TRPM3: variants seen among roughly 807,000 people sequenced by gnomAD.
TRPM3 encodes long transient receptor potential channel 3.
In TRPM3, 77 loss-of-function variants were observed where a neutral mutation model predicts 181.2. That is an observed-to-expected ratio of 0.42 (90% CI 0.35 to 0.51). The LOEUF is 0.51. Among genes scored for constraint, TRPM3 ranks in the 20% least tolerant of loss-of-function variants. The probability of loss-of-function intolerance (pLI) is 0.01; values close to 1 mark genes in which losing one functional copy is unlikely to be tolerated. For synonymous variants in TRPM3, 745 were observed against 796.4 expected (o/e 0.94, Z 1.09); for missense variants, 1,759 against 2,196.7 (o/e 0.80, Z 3.98).
intron 1 of TRPM3, among the ~76,000 whole-genome samples, chr9:71,329,056 T>C (rs1459985364): frequency 2.0e-5 from 3 of 152,148 alleles, no homozygotes; most frequent in South Asian, 2.1e-4. Context: ...CTGTAAAAGA[T>C]AGGTGACAAT....
chr9:71,347,400 G>T (rs1427775822), intron 1 of TRPM3, among the ~76,000 whole-genome samples: 2 of 152,116 alleles, frequency 1.3e-5, no homozygotes, highest in Non-Finnish European at 2.9e-5. Flanking sequence ...AAAGCTCTTT[G>T]TCCATAGATT....
At chr9:71,035,108 A>T (rs2058035096) in intron 1 of TRPM3, among the ~76,000 whole-genome samples, 1 of 152,152 alleles carries the variant, frequency 6.6e-6, no homozygotes, top group Admixed American at 6.5e-5. Context: ...GTTGTAGTTA[A>T]TCAGAATTAT....
chr9:70,808,216 C>G (rs1311853181), intron 6 of TRPM3, among the ~76,000 whole-genome samples: 8 of 152,176 alleles, frequency 5.3e-5, no homozygotes, highest in Admixed American at 5.2e-4. Context: ...ACATTGCTGA[C>G]TTTGAGACCA....
chr9:70,954,300 G>A (rs1167062969), intron 1 of TRPM3, among the ~76,000 whole-genome samples: 1 of 152,104 alleles, frequency 6.6e-6, no homozygotes, highest in East Asian at 1.9e-4. Flanking sequence ...TGTCCCGCAG[G>A]CCTCTTTGGT....
At chr9:70,781,362 T>G (rs111427659) in intron 7 of TRPM3, among the ~76,000 whole-genome samples, 2 of 139,292 alleles carry the variant, frequency 1.4e-5, no homozygotes, top group African/African-American at 2.7e-5. Context: ...AAACATGATA[T>G]TTTTGACTCT....
intron 1 of TRPM3, among the ~76,000 whole-genome samples, chr9:71,230,790 C>T (rs2080999172): frequency 6.6e-6 from 1 of 152,148 alleles, no homozygotes; most frequent in Admixed American, 6.6e-5. Context: ...AACTGAAGAG[C>T]ACCTAAGGCT....
intron 1 of TRPM3, among the ~76,000 whole-genome samples, chr9:71,285,343 G>A (rs527690526): frequency 3.5e-4 from 54 of 152,310 alleles, no homozygotes; most frequent in South Asian, 2.1e-3. Flanking sequence ...GGTCGTAGCT[G>A]CACTATGTAA....
At chr9:71,203,074 G>T (rs1332335864) in intron 1 of TRPM3, among the ~76,000 whole-genome samples, 2 of 152,212 alleles carry the variant, frequency 1.3e-5, no homozygotes, top group Non-Finnish European at 2.9e-5. Context: ...CCTGCAGTTT[G>T]GCTCCTAGAA....
rs552014074 is a variant in TRPM3 at position 71,336,741 on chromosome 9, G to C, written c.183+109912C>G. On this transcript the variant is annotated intron_variant, in intron 1 of 24. Transcript: ENST00000357533. Reference sequence around the variant, plus strand: ...CAGTAACCAAAACAGCATGGTACTGGTACCAAAATAGAGATATAGACCAAT... The same window carrying C: ...CAGTAACCAAAACAGCATGGTACTGCTACCAAAATAGAGATATAGACCAAT... Among the ~76,000 whole-genome samples the C allele has an allele frequency of 3.6e-3, 554 of 152,216 alleles. 4 individuals are homozygous for C. Among genetic ancestry groups the C allele is most frequent in the African/African-American group, 0.01 (436 of 41,528 alleles).
At chr9:70,595,486 C>A (rs2058850306) in intron 21 of TRPM3, among the ~76,000 whole-genome samples, 1 of 152,154 alleles carries the variant, frequency 6.6e-6, no homozygotes, top group Non-Finnish European at 1.5e-5. Flanking sequence ...ATACACAGGA[C>A]AGCTTCCTAA....
At chr9:70,991,206 C>G (rs956250074) in intron 1 of TRPM3, among the ~76,000 whole-genome samples, 1 of 152,122 alleles carries the variant, frequency 6.6e-6, no homozygotes, top group African/African-American at 2.4e-5. Context: ...ATTCAGTGGT[C>G]CATGAACTTG....
At chr9:70,544,324 G>C (rs1285516372) in intron 25 of TRPM3, among the ~76,000 whole-genome samples, 1 of 152,118 alleles carries the variant, frequency 6.6e-6, no homozygotes, top group Non-Finnish European at 1.5e-5. Context: ...GCTTACAAAA[G>C]ATAAGGTTAG....
intron 1 of TRPM3, among the ~76,000 whole-genome samples, chr9:71,311,663 T>A (rs1437606392): frequency 6.6e-6 from 1 of 151,934 alleles, no homozygotes; most frequent in African/African-American, 2.4e-5. Flanking sequence ...ATGTAACTTC[T>A]AGAGGATAAC....
chr9:71,346,607 G>A (rs1307613089), intron 1 of TRPM3, among the ~76,000 whole-genome samples: 1 of 152,186 alleles, frequency 6.6e-6, no homozygotes, highest in Non-Finnish European at 1.5e-5. Flanking sequence ...TTGGGAAAGA[G>A]GTTCCATTGG....
intron 1 of TRPM3, among the ~76,000 whole-genome samples, chr9:70,974,426 C>T (rs966148571): frequency 3.3e-5 from 5 of 150,372 alleles, no homozygotes; most frequent in Non-Finnish European, 5.9e-5. Context: ...GTAGTACCAG[C>T]TACTCGGGAG....
intron 1 of TRPM3, among the ~76,000 whole-genome samples, chr9:71,439,915 T>C (rs575588058): frequency 6.6e-6 from 1 of 152,106 alleles, no homozygotes; most frequent in East Asian, 1.9e-4. Context: ...GGTCAGGAGA[T>C]CGAGACCATC....
chr9:71,066,082 C>T (rs77822179), intron 1 of TRPM3, among the ~76,000 whole-genome samples: 1,831 of 152,180 alleles, frequency 0.012, 22 homozygotes, highest in Middle Eastern at 0.034. Context: ...ACCCAGATTG[C>T]TTTGCTTCAG....
intron 9 of TRPM3, among the ~76,000 whole-genome samples, chr9:70,678,443 T>G (rs1035045383): frequency 6.6e-6 from 1 of 152,118 alleles, no homozygotes; most frequent in South Asian, 2.1e-4. Flanking sequence ...TCTTTCTTCA[T>G]TTTTGGACAG....
At chr9:70,562,716 A>T (rs1021564902) in intron 22 of TRPM3, among the ~76,000 whole-genome samples, 19 of 152,084 alleles carry the variant, frequency 1.2e-4, no homozygotes, top group Non-Finnish European at 2.1e-4. Context: ...CTATATATCT[A>T]GCTTTACCTG....
Sources: allele counts gnomAD v4.1 joint callset (sites outside exome capture counted in the v4.1 genomes callset), GRCh38; gene constraint gnomAD v4.1.1; transcripts MANE v1.5; gene names NCBI Gene and HGNC (gene_info 2026-07-23, HGNC 2026-07-21).